SLC38A1: variants seen among roughly 807,000 people sequenced by gnomAD.
SLC38A1 encodes sodium-coupled neutral amino acid symporter 1.
In SLC38A1, 18 loss-of-function variants were observed where a neutral mutation model predicts 60.3. The observed-to-expected ratio is 0.30, with a 90% CI of 0.21 to 0.44. The LOEUF (loss-of-function observed/expected upper bound fraction) is 0.44. Among genes scored for constraint, SLC38A1 ranks in the 20% least tolerant of loss-of-function variants. SLC38A1 has a pLI of 1.00. For missense variants in SLC38A1, 448 were observed against 587.2 expected (o/e 0.76, Z 2.45); for synonymous variants, 196 against 212.1 (o/e 0.92, Z 0.66).
At chr12:46,214,899 C>T (rs990042303) in intron 5 of SLC38A1, among the ~76,000 whole-genome samples, 17 of 152,306 alleles carry the variant, frequency 1.1e-4, no homozygotes, top group Admixed American at 1.1e-3. Context: ...CAGCTGAGTG[C>T]TTTCAACTTC....
intron 1 of SLC38A1, among the ~76,000 whole-genome samples, chr12:46,266,339 AT>A (rs1266309896): frequency 6.6e-6 from 1 of 152,228 alleles, no homozygotes; most frequent in Non-Finnish European, 1.5e-5. Flanking sequence ...ATCATAAAAA[AT>A]ATACATAAAC....
chr12:46,238,137 A>G (rs917686030), intron 3 of SLC38A1, among the ~76,000 whole-genome samples: 2 of 151,798 alleles, frequency 1.3e-5, no homozygotes, highest in Non-Finnish European at 2.9e-5. Context: ...GGCAGTTATT[A>G]AGGATATGTG....
At position 46,197,782 on chromosome 12, in the gene SLC38A1, G is replaced by C; in HGVS notation, c.1300C>G (p.Pro434Ala). The change falls in exon 16 of 17, where the codon CCT becomes GCT. Residue 434 changes from proline (P) to alanine (A), a missense_variant. Pro to Ala is a conservative substitution (Grantham distance 27). This residue lies in a region of SLC38A1 where 346 missense variants were observed against 497.5 expected (regional missense o/e 0.70). Coordinates refer to ENST00000398637, the MANE Select transcript of SLC38A1 (RefSeq NM_030674.4). ...TSANMLIFIL[P>A]SSLYLKITDQ... ...GTGATTTTTAAATAAAGAGATGAAG[G>C]AAGAATGAAAATAAGCATGTTAGCA... The C allele has an allele frequency of 6.2e-7, 1 of 1,602,604 alleles. No homozygotes were observed. The highest frequency in any genetic ancestry group is 8.5e-7 in the Non-Finnish European group (1 of 1,177,028).
intron 1 of SLC38A1, among the ~76,000 whole-genome samples, chr12:46,252,325 C>A (rs962108413): frequency 6.6e-6 from 1 of 151,954 alleles, no homozygotes; most frequent in East Asian, 1.9e-4. Flanking sequence ...CATCACACAC[C>A]GGGGCCTGTC....
At chr12:46,201,297 G>A (rs1939648350) in intron 12 of SLC38A1, 99 bp from the exon 13 acceptor site, 2 of 995,234 alleles carry the variant, frequency 2.0e-6, no homozygotes, top group Admixed American at 2.3e-5. Context: ...CTTCTGTCAG[G>A]TTAGGGAAGA....
At chr12:46,189,814 G>A (rs1434512074) in intron 16 of SLC38A1, among the ~76,000 whole-genome samples, 2 of 152,134 alleles carry the variant, frequency 1.3e-5, no homozygotes, top group African/African-American at 4.8e-5. Context: ...CGCTCTGCCT[G>A]CCACCATGTA....
rs1565784824 is a variant in SLC38A1, at chr12:46,239,770, T to C, written c.31A>G (p.Thr11Ala). The change falls in exon 3 of 17, where the codon ACT becomes GCT. Residue 11 changes from threonine to alanine, a missense_variant. Physicochemically the swap from Thr to Ala is moderately conservative, Grantham distance 58. Around this residue, in one of 2 missense-constraint regions of SLC38A1, gnomAD observed 102 missense variants for 89.7 expected, o/e 1.14. Transcript: ENST00000398637. The part of the protein sequence containing the change: MMHFKSGLEL[T>A]ELQNMTVPED... Reference sequence around the variant, plus strand: ...GGCACTGTCATGTTTTGCAACTCAGTTAATTCGAGTCCACTTTTGAAATGC... The same window carrying C: ...GGCACTGTCATGTTTTGCAACTCAGCTAATTCGAGTCCACTTTTGAAATGC... 1.9e-6 allele frequency: 3 copies of C among 1,613,262 alleles called. No homozygotes were observed. The highest frequency in any genetic ancestry group is 2.2e-5 in the East Asian group (1 of 44,882).
chr12:46,261,098 T>A (rs140854770), intron 1 of SLC38A1, among the ~76,000 whole-genome samples: 2 of 152,308 alleles, frequency 1.3e-5, no homozygotes, highest in Non-Finnish European at 2.9e-5. Context: ...ATCCCCCTGA[T>A]CCTGGACACA....
chr12:46,188,630 A>C lies in SLC38A1; in HGVS notation c.*340T>G, dbSNP rs189787665. The stretch of plus-strand genomic sequence containing the variant: ...CAGAATCTGGATGTATAATAAATAA[A>C]CATTATTGTATATCATGTTTTCAAA... On this transcript the variant is annotated 3_prime_UTR_variant, in exon 17 of 17. Coordinates refer to ENST00000398637, the MANE Select transcript of SLC38A1 (RefSeq NM_030674.4). The C allele has an allele frequency of 5.6e-6, 1 of 177,088 alleles. No homozygotes were observed. Among genetic ancestry groups the C allele is most frequent in the East Asian group, 1.4e-4 (1 of 6,906 alleles). The allele number at this position is 177,088 out of a possible 1,614,324, so 11.0% of individuals were successfully genotyped here. A position where few individuals can be genotyped will look rare whatever the true frequency, so the allele number is the denominator to read the frequency against.
intron 11 of SLC38A1, among the ~76,000 whole-genome samples, chr12:46,203,660 G>C (rs539417368): frequency 6.6e-6 from 1 of 152,264 alleles, no homozygotes; most frequent in African/African-American, 2.4e-5. Context: ...CTTAGATAAG[G>C]CTCTTTGAAA....
intron 10 of SLC38A1, 43 bp from the exon 11 acceptor site, chr12:46,204,460 A>G: frequency 6.3e-7 from 1 of 1,592,244 alleles, no homozygotes; most frequent in East Asian, 2.2e-5. Context: ...GACTTTAGTA[A>G]AGCCAATGAA....
In SLC38A1 at chr12:46,219,960, C is replaced by T. The variant is rs555187004; in HGVS notation, c.314+9193G>A. 4.6e-5 allele frequency among the ~76,000 whole-genome samples: 7 copies of T among 152,354 alleles called. No individual in the cohort carries two copies. In the East Asian group the frequency reaches 1.3e-3, roughly 29 times the overall value. ...TCTAGCGCATGTGCGCGCACACACA[C>T]ACGCACACACACCCCTACCTTTCTG... is the stretch of plus-strand genomic sequence containing the variant. On this transcript the variant is annotated intron_variant, in intron 5 of 16. Transcript: ENST00000398637.
At chr12:46,231,390 T>G (rs1941072304) in intron 3 of SLC38A1, among the ~76,000 whole-genome samples, 1 of 152,186 alleles carries the variant, frequency 6.6e-6, no homozygotes, top group African/African-American at 2.4e-5. Context: ...TGTATTATAT[T>G]TGTGTAACAC....
chr12:46,217,268 A>G (rs962849549), intron 5 of SLC38A1, among the ~76,000 whole-genome samples: 4 of 152,192 alleles, frequency 2.6e-5, no homozygotes, highest in African/African-American at 9.7e-5. Flanking sequence ...CCCTGGTAGT[A>G]TGACTCCAAA....
intron 3 of SLC38A1, among the ~76,000 whole-genome samples, chr12:46,231,645 G>A (rs1302089411): frequency 1.3e-5 from 2 of 152,124 alleles, no homozygotes; most frequent in African/African-American, 2.4e-5. Flanking sequence ...TATTTAAACT[G>A]TACATTAGAT....
chr12:46,212,250 AT>A (rs1940204133), intron 5 of SLC38A1, among the ~76,000 whole-genome samples: 1 of 152,232 alleles, frequency 6.6e-6, no homozygotes, highest in African/African-American at 2.4e-5. Context: ...TGTACATATA[AT>A]TATGGTTTCC....
At chr12:46,204,656 C>T in intron 9 of SLC38A1, 66 bp from the exon 10 acceptor site, 1 of 1,205,254 alleles carries the variant, frequency 8.3e-7, no homozygotes, top group Non-Finnish European at 1.2e-6. Context: ...TGGAGCTACC[C>T]ATCATAAACT....
Position 46,268,769 on chromosome 12 carries a change from G to T in SLC38A1, c.-452C>A, listed in dbSNP as rs909542656. 3.0e-6 allele frequency: 1 copy of T among 329,734 alleles called. No individual in the cohort carries two copies. The highest frequency in any genetic ancestry group is 2.1e-5 in the African/African-American group (1 of 46,692). 20.4% of individuals were successfully genotyped at this position (329,734 alleles called of 1,614,324 possible). A position where few individuals can be genotyped will look rare whatever the true frequency, so the allele number is the denominator to read the frequency against. ...GAGTGGCGTGGCCGCCCCAGTCCGC[G>T]CTCGCCTGGCTCTCCTCCTTTCCGG... is the stretch of plus-strand genomic sequence containing the variant. On this transcript the variant is annotated 5_prime_UTR_variant, in exon 1 of 17. Coordinates refer to ENST00000398637, the MANE Select transcript of SLC38A1 (RefSeq NM_030674.4). The surrounding 1 kb of genome is among the most constrained non-coding windows in gnomAD (Gnocchi z 4.4).
At chr12:46,193,482 T>C (rs1939231518) in intron 16 of SLC38A1, among the ~76,000 whole-genome samples, 1 of 152,228 alleles carries the variant, frequency 6.6e-6, no homozygotes, top group Non-Finnish European at 1.5e-5. Context: ...GTCCTGGATA[T>C]CCTTGATAAC....
Sources: allele counts gnomAD v4.1 joint callset (sites outside exome capture counted in the v4.1 genomes callset), GRCh38; gene constraint gnomAD v4.1.1; regional missense constraint gnomAD v4.1.1; non-coding constraint Gnocchi (gnomAD v3.1); transcripts MANE v1.5; gene names NCBI Gene and HGNC (gene_info 2026-07-23, HGNC 2026-07-21).